Variants in KDM5A observed in about 807,000 individuals in gnomAD.
The protein encoded by KDM5A is lysine demethylase 5A.
KDM5A carries 42 observed loss-of-function variants against 193.5 expected under a neutral mutation model. The ratio of observed to expected loss-of-function variants is 0.22; its 90% CI spans 0.17 to 0.28. KDM5A has a LOEUF of 0.28. Ranked by LOEUF, KDM5A falls within the 10% of genes least tolerant of loss-of-function variation. KDM5A has a pLI of 1.00. For missense variants in KDM5A, 1,692 were observed against 2,055.1 expected (o/e 0.82, Z 3.42); for synonymous variants, 796 against 718.1 (o/e 1.11, Z -1.73).
intron 19 of KDM5A, among the ~76,000 whole-genome samples, chr12:315,956 A>G (rs1943646384): frequency 6.6e-6 from 1 of 152,206 alleles, no homozygotes; most frequent in African/African-American, 2.4e-5. Context: ...AAAGAAGGCA[A>G]ACAGAGCCAA....
intron 10 of KDM5A, among the ~76,000 whole-genome samples, chr12:337,210 G>C (rs1045082371): frequency 6.6e-6 from 1 of 152,278 alleles, no homozygotes; most frequent in East Asian, 1.9e-4. Flanking sequence ...AAAGTTTCCC[G>C]AAGCCTCCTC....
At chr12:365,788 A>G in intron 4 of KDM5A, 146 bp downstream of exon 4, 1 of 667,998 alleles carries the variant, frequency 1.5e-6, no homozygotes. Context: ...GTAAACCATC[A>G]AAAACAGCTA....
At chr12:311,262 T>C (rs914974198) in intron 20 of KDM5A, 198 bp from the exon 21 acceptor site, 17 of 598,784 alleles carry the variant, frequency 2.8e-5, no homozygotes, top group Non-Finnish European at 5.0e-5. Flanking sequence ...TTAATGAACA[T>C]GTCATCAATG....
In KDM5A at chr12:310,970, T is replaced by C; in HGVS notation, c.3131A>G (p.Glu1044Gly). The change falls in exon 21 of 28, where the codon GAA becomes GGA. Residue 1044 changes from glutamate to glycine, a missense_variant. Physicochemically the swap from Glu to Gly is moderately conservative, Grantham distance 98. Coordinates refer to ENST00000399788, the MANE Select transcript of KDM5A (RefSeq NM_001042603.3). ...TGCCCGTGCTGCTGCTACCTGTGATTCCACTTGCGGCAGTGCTTCAAGACG... is the reference window on the plus strand; with the variant it reads ...TGCCCGTGCTGCTGCTACCTGTGATCCCACTTGCGGCAGTGCTTCAAGACG... ...PVRLEALPQV[E>G]SQVAAARAWR... The C allele has an allele frequency of 6.2e-7, 1 of 1,614,222 alleles. No individual in the cohort carries two copies. The highest frequency in any genetic ancestry group is 8.5e-7 in the Non-Finnish European group (1 of 1,180,036).
At position 383,811 on chromosome 12, in the gene KDM5A, C is replaced by T. The variant is rs866297680; in HGVS notation, c.366+220G>A. On this transcript the variant is annotated intron_variant, in intron 3 of 27. Coordinates refer to ENST00000399788, the MANE Select transcript of KDM5A (RefSeq NM_001042603.3). ...TTGCCCAGGCTGTAGTACAATGGCGCGATCTCAGCTCACCACAACCTCCGC... is the reference window on the plus strand; with the variant it reads ...TTGCCCAGGCTGTAGTACAATGGCGTGATCTCAGCTCACCACAACCTCCGC... 2.6e-5 allele frequency among the ~76,000 whole-genome samples: 4 copies of T among 151,714 alleles called. No homozygotes were observed. The South Asian group carries it at 8.3e-4, about 32-fold the overall frequency.
At chr12:324,532 T>C (rs1234078047) in intron 14 of KDM5A, among the ~76,000 whole-genome samples, 1 of 152,064 alleles carries the variant, frequency 6.6e-6, no homozygotes, top group Non-Finnish European at 1.5e-5. Flanking sequence ...AAATATAATA[T>C]CAGCATGACA....
intron 10 of KDM5A, among the ~76,000 whole-genome samples, chr12:346,532 G>C (rs1178536833): frequency 1.3e-5 from 2 of 152,092 alleles, no homozygotes. Context: ...TTGGCAAACC[G>C]AATCCAGCAG....
Position 356,480 on chromosome 12 carries a change from C to A in KDM5A, c.730G>T (p.Ala244Ser), listed in dbSNP as rs1944230894. The change falls in exon 6 of 28, where the codon GCT (alanine) becomes TCT (serine). Residue 244 changes from alanine (A) to serine (S), a missense_variant. Physicochemically the swap from Ala to Ser is moderately conservative, Grantham distance 99. Transcript: ENST00000399788. ...GCCAAGCCCACAACCTTGGGCCCAG[C>A]CCCAAAAATCTGAAGTTTCTTCAGT... ...TELKKLQIFGAGPKVVGLAMG... is the reference protein window; with the variant it reads ...TELKKLQIFGSGPKVVGLAMG... The A allele has an allele frequency of 6.2e-7, 1 of 1,613,618 alleles. No individual in the cohort carries two copies. Among genetic ancestry groups the A allele is most frequent in the Non-Finnish European group, 8.5e-7 (1 of 1,179,674 alleles).
chr12:388,683 G>C (rs1413312062), intron 1 of KDM5A, among the ~76,000 whole-genome samples: 1 of 152,182 alleles, frequency 6.6e-6, no homozygotes, highest in African/African-American at 2.4e-5. Context: ...CCACGGCTGA[G>C]AGAAAAGTAT....
At position 281,831 on chromosome 12, in the gene KDM5A, A is replaced by T. The variant is rs559986912; in HGVS notation, c.*3625T>A. On this transcript the variant is annotated 3_prime_UTR_variant, in exon 28 of 28. Transcript: ENST00000399788. ...TTCACACACATGTACTACAGAATTA[A>T]AATACTGACAAGCAAGTAGTTTCTT... 2 of 264,030 alleles carry T rather than the reference A, an allele frequency of 7.6e-6. No individual in the cohort carries two copies. The highest frequency in any genetic ancestry group is 1.5e-5 in the Non-Finnish European group (2 of 134,356). 16.4% of individuals were successfully genotyped at this position (264,030 alleles called of 1,614,324 possible). A position where few individuals can be genotyped will look rare whatever the true frequency, so the allele number is the denominator to read the frequency against.
chr12:381,091 T>C (rs940696851), intron 3 of KDM5A, among the ~76,000 whole-genome samples: 9 of 152,022 alleles, frequency 5.9e-5, no homozygotes, highest in African/African-American at 2.2e-4. Flanking sequence ...ACCTCCCGGG[T>C]TCAAGCAATT....
At chr12:374,639 T>A (rs1323566414) in intron 3 of KDM5A, among the ~76,000 whole-genome samples, 1 of 152,184 alleles carries the variant, frequency 6.6e-6, no homozygotes, top group Non-Finnish European at 1.5e-5. Context: ...ATTATTTTGC[T>A]CGTTAGTTGA....
intron 3 of KDM5A, among the ~76,000 whole-genome samples, chr12:373,120 G>A (rs1944453333): frequency 6.6e-6 from 1 of 152,176 alleles, no homozygotes; most frequent in Non-Finnish European, 1.5e-5. Context: ...ATGAGTTAGG[G>A]AGAATTCCCT....
At chr12:354,473 G>A (rs1944206153) in intron 7 of KDM5A, among the ~76,000 whole-genome samples, 1 of 152,068 alleles carries the variant, frequency 6.6e-6, no homozygotes, top group African/African-American at 2.4e-5. Flanking sequence ...CAAGTTGTTA[G>A]AATAAAGACT....
chr12:357,219 G>A (rs1944238126), intron 5 of KDM5A, among the ~76,000 whole-genome samples: 1 of 151,986 alleles, frequency 6.6e-6, no homozygotes, highest in Admixed American at 6.6e-5. Flanking sequence ...GGTTGAGGCA[G>A]TGAGGCGAGA....
chr12:296,764 T>C (rs1025316620), intron 25 of KDM5A, among the ~76,000 whole-genome samples: 1 of 152,204 alleles, frequency 6.6e-6, no homozygotes, highest in African/African-American at 2.4e-5. Context: ...GGACTACCTA[T>C]CCGGAATTTT....
intron 12 of KDM5A, among the ~76,000 whole-genome samples, chr12:332,801 A>G (rs1033160757): frequency 6.6e-6 from 1 of 152,110 alleles, no homozygotes; most frequent in Non-Finnish European, 1.5e-5. Flanking sequence ...CTTATTAGTG[A>G]TTAGTTATTA....
chr12:306,662 G>C (rs1048602491), intron 24 of KDM5A, among the ~76,000 whole-genome samples: 1 of 150,956 alleles, frequency 6.6e-6, no homozygotes, highest in Non-Finnish European at 1.5e-5. Flanking sequence ...AGAATTGCTT[G>C]AACCCAGAAG....
intron 17 of KDM5A, 108 bp downstream of exon 17, chr12:322,309 A>G: frequency 2.1e-6 from 2 of 954,144 alleles, no homozygotes; most frequent in Admixed American, 2.0e-5. Context: ...GAGACATGGC[A>G]ACAAGAGGTC....
Sources: gnomAD v4.1 joint callset for allele counts (sites outside exome capture counted in the v4.1 genomes callset) on GRCh38, gnomAD v4.1.1 for gene constraint, MANE v1.5 for transcripts, NCBI Gene and HGNC (gene_info 2026-07-23, HGNC 2026-07-21) for gene names.